The following KCNB2 variants were observed in gnomAD, a reference collection of about 807,000 sequenced individuals.
KCNB2 encodes the protein delayed rectifier potassium channel protein.
A neutral mutation model predicts 61.5 loss-of-function variants in KCNB2; 15 were observed. The ratio of observed to expected loss-of-function variants is 0.24; its 90% CI spans 0.16 to 0.38. KCNB2 has a LOEUF of 0.38. Among genes scored for constraint, KCNB2 ranks in the 10% least tolerant of loss-of-function variants. The probability of loss-of-function intolerance (pLI) is 1.00; values close to 1 mark genes in which losing one functional copy is unlikely to be tolerated. For synonymous variants in KCNB2, 457 were observed against 446.0 expected, an observed-to-expected ratio of 1.02 and a Z score of -0.31; for missense variants, 828 against 1,125.2, an observed-to-expected ratio of 0.74 and a Z score of 3.78.
At chr8:72,750,359 C>T (rs1228852621) in intron 2 of KCNB2, 3 of 152,122 alleles carry the variant, frequency 2.0e-5, no homozygotes, top group Admixed American at 1.3e-4. Context: ...TTCTCTTACA[C>T]CCAGGAATTC....
At chr8:72,554,893 A>G (rs1281867166) in intron 1 of KCNB2, among the ~76,000 whole-genome samples, 1 of 152,024 alleles carries the variant, frequency 6.6e-6, no homozygotes, top group African/African-American at 2.4e-5. Context: ...GATGTTATAC[A>G]TGTCATTCAG....
At chr8:72,925,102 G>A (rs930990548) in intron 2 of KCNB2, among the ~76,000 whole-genome samples, 1 of 152,180 alleles carries the variant, frequency 6.6e-6, no homozygotes, top group Non-Finnish European at 1.5e-5. Context: ...AAGGAAAAAT[G>A]ATTGCATTAT....
Position 72,709,459 on chromosome 8 carries a change from C to T in KCNB2, c.579+141146C>T, listed in dbSNP as rs549187010. The stretch of plus-strand genomic sequence containing the variant: ...AGTCCTGCAGGCTGTACAGGAAGCA[C>T]GGTGCCGGCATCTGCTTGGCTTCTA... On this transcript the variant is annotated intron_variant, in intron 2 of 2. Transcript: ENST00000523207. Among the ~76,000 whole-genome samples, 24 of 151,744 alleles carry T rather than the reference C, an allele frequency of 1.6e-4. No homozygotes were observed. In the East Asian group the frequency reaches 1.8e-3, roughly 11 times the overall value.
intron 2 of KCNB2, among the ~76,000 whole-genome samples, chr8:72,846,850 C>T (rs1313050949): frequency 2.0e-5 from 3 of 152,136 alleles, no homozygotes; most frequent in African/African-American, 7.2e-5. Context: ...GACAGTGTGG[C>T]AATTCCTCAA....
chr8:72,911,897 G>T (rs1199648045), intron 2 of KCNB2, among the ~76,000 whole-genome samples: 1 of 152,150 alleles, frequency 6.6e-6, no homozygotes, highest in African/African-American at 2.4e-5. Flanking sequence ...ACTAACACAT[G>T]TCAAGTATTT....
intron 2 of KCNB2, among the ~76,000 whole-genome samples, chr8:72,749,574 A>G (rs986972641): frequency 1.3e-5 from 2 of 151,736 alleles, no homozygotes; most frequent in African/African-American, 4.8e-5. Context: ...AAACATAAAT[A>G]TAAATACTTA....
chr8:72,745,013 A>C (rs138505718), intron 2 of KCNB2, among the ~76,000 whole-genome samples: 1 of 152,270 alleles, frequency 6.6e-6, no homozygotes, highest in Non-Finnish European at 1.5e-5. Flanking sequence ...ACAGAGTCCA[A>C]AGAGACTTAG....
intron 2 of KCNB2, among the ~76,000 whole-genome samples, chr8:72,755,736 G>T (rs1422735343): frequency 2.6e-5 from 4 of 152,174 alleles, no homozygotes; most frequent in Admixed American, 1.3e-4. Context: ...ACGAATGAAG[G>T]ATTGCTGCTT....
intron 2 of KCNB2, among the ~76,000 whole-genome samples, chr8:72,578,344 C>A (rs1451999368): frequency 6.6e-6 from 1 of 152,096 alleles, no homozygotes; most frequent in Admixed American, 6.5e-5. Context: ...ATGGAATGAA[C>A]TATGTATGCA....
At chr8:72,549,120 C>A (rs1585745281) in intron 1 of KCNB2, among the ~76,000 whole-genome samples, 1 of 152,214 alleles carries the variant, frequency 6.6e-6, no homozygotes. Flanking sequence ...CATTCTGGCT[C>A]TTTGCAATCT....
At chr8:72,674,231 G>A (rs1025471035) in intron 2 of KCNB2, among the ~76,000 whole-genome samples, 3 of 152,160 alleles carry the variant, frequency 2.0e-5, no homozygotes, top group African/African-American at 7.2e-5. Flanking sequence ...TCTGTAAATG[G>A]TGATGATAAT....
At chr8:72,830,393 A>G (rs994553509) in intron 2 of KCNB2, among the ~76,000 whole-genome samples, 1 of 152,124 alleles carries the variant, frequency 6.6e-6, no homozygotes, top group African/African-American at 2.4e-5. Flanking sequence ...TCAAAGATTC[A>G]GGGCTATTCA....
rs547107926 is a variant in KCNB2 at position 72,760,475 on chromosome 8, A to G, written c.580-175460A>G. Among the ~76,000 whole-genome samples the G allele has an allele frequency of 5.3e-4, 81 of 152,230 alleles. No individual in the cohort carries two copies. In the South Asian group the frequency reaches 0.015, roughly 28 times the overall value. Reference sequence around the variant, plus strand: ...AACATTTTCTTGCCCAACACCTCAAACCATCATTCCCAAATTTGCTCCCTG... The same window carrying G: ...AACATTTTCTTGCCCAACACCTCAAGCCATCATTCCCAAATTTGCTCCCTG... On this transcript the variant is annotated intron_variant, in intron 2 of 2. Coordinates refer to ENST00000523207, the MANE Select transcript of KCNB2 (RefSeq NM_004770.3).
chr8:72,594,649 C>G (rs1807157381), intron 2 of KCNB2, among the ~76,000 whole-genome samples: 2 of 152,304 alleles, frequency 1.3e-5, no homozygotes, highest in South Asian at 4.1e-4. Context: ...GCTCATAACA[C>G]AGCAGCGCTT....
intron 2 of KCNB2, among the ~76,000 whole-genome samples, chr8:72,758,444 C>T (rs1808326947): frequency 6.6e-6 from 1 of 152,198 alleles, no homozygotes; most frequent in African/African-American, 2.4e-5. Flanking sequence ...AGGCTCAAAA[C>T]AAATGTGTAT....
chr8:72,543,940 G>C (rs1806224809), intron 1 of KCNB2, among the ~76,000 whole-genome samples: 1 of 152,180 alleles, frequency 6.6e-6, no homozygotes, highest in African/African-American at 2.4e-5. Flanking sequence ...ATGAAGGTAA[G>C]TTTAGCGGCT....
intron 2 of KCNB2, among the ~76,000 whole-genome samples, chr8:72,891,175 G>T (rs1456797006): frequency 6.6e-6 from 1 of 152,120 alleles, no homozygotes; most frequent in Non-Finnish European, 1.5e-5. Context: ...AATATTAATG[G>T]TTCTAAAACC....
intron 2 of KCNB2, among the ~76,000 whole-genome samples, chr8:72,748,761 T>G (rs1808129441): frequency 6.6e-6 from 1 of 152,062 alleles, no homozygotes; most frequent in Non-Finnish European, 1.5e-5. Flanking sequence ...ATATACTTAT[T>G]GTGTACATGA....
At chr8:72,543,777 CA>C (rs1246364114) in intron 1 of KCNB2, among the ~76,000 whole-genome samples, 1 of 152,172 alleles carries the variant, frequency 6.6e-6, no homozygotes, top group Non-Finnish European at 1.5e-5. Context: ...GCCCTTCAAA[CA>C]CTTGACAACT....
Sources: allele counts gnomAD v4.1 joint callset (sites outside exome capture counted in the v4.1 genomes callset), GRCh38; gene constraint gnomAD v4.1.1; transcripts MANE v1.5; gene names NCBI Gene and HGNC (gene_info 2026-07-23, HGNC 2026-07-21).